SHISA9: variants seen among roughly 807,000 people sequenced by gnomAD.
SHISA9 encodes shisa family member 9.
A neutral mutation model predicts 38.0 loss-of-function variants in SHISA9; 13 were observed. That is an observed-to-expected ratio of 0.34 (90% CI 0.22 to 0.54). SHISA9 has a LOEUF of 0.54. SHISA9 is among the 20% of genes least tolerant of loss of function. The pLI is 0.91. For missense variants in SHISA9, 538 were observed against 575.8 expected (o/e 0.93, Z 0.67); for synonymous variants, 275 against 242.0 (o/e 1.14, Z -1.27).
the SHISA9 span, among the ~76,000 whole-genome samples, chr16:13,308,818 G>A: frequency 4.5e-3 from 687 of 152,248 alleles, 8 homozygotes; most frequent in African/African-American, 0.016. Context: ...TAATTAAATC[G>A]CCATAAGATA....
chr16:13,304,575 T>G, the SHISA9 span, among the ~76,000 whole-genome samples: 2 of 152,230 alleles, frequency 1.3e-5, no homozygotes, highest in South Asian at 4.1e-4. Flanking sequence ...GCCTTTTAGA[T>G]ATCTTGGCCT....
rs190406374 is a variant in SHISA9 at position 13,079,683 on chromosome 16, C to G, written c.692-123711C>G. ...GGCATTTGCATTCCCCTTGATTTGC[C>G]TAATTTTAATGAGACATTAGATCAA... On this transcript the variant is annotated intron_variant, in intron 2 of 4. Transcript: ENST00000558583. Among the ~76,000 whole-genome samples, 386 of 152,226 alleles carry G rather than the reference C, an allele frequency of 2.5e-3. 1 individual carries two copies. Among genetic ancestry groups the G allele is most frequent in the Non-Finnish European group, 4.4e-3 (297 of 68,016 alleles).
the SHISA9 span, among the ~76,000 whole-genome samples, chr16:13,431,159 G>C: frequency 6.6e-6 from 1 of 152,110 alleles, no homozygotes; most frequent in Non-Finnish European, 1.5e-5. Flanking sequence ...CCTAAATTCA[G>C]CTCCTTGAAT....
At chr16:13,140,437 A>G (rs1411628307) in intron 2 of SHISA9, among the ~76,000 whole-genome samples, 1 of 151,992 alleles carries the variant, frequency 6.6e-6, no homozygotes, top group Non-Finnish European at 1.5e-5. Context: ...TTGGCCTCCC[A>G]AATTGCTGGG....
At chr16:13,001,688 C>T (rs2072527713) in intron 2 of SHISA9, among the ~76,000 whole-genome samples, 2 of 152,034 alleles carry the variant, frequency 1.3e-5, no homozygotes, top group Admixed American at 1.3e-4. Context: ...AATAGTATTC[C>T]TAAGATTTGT....
rs72782695 is a variant in SHISA9, at chr16:13,001,961, T to C, written c.691+85146T>C. Among the ~76,000 whole-genome samples the C allele has an allele frequency of 5.1e-3, 783 of 152,332 alleles. 3 individuals are homozygous for C. The highest frequency in any genetic ancestry group is 8.6e-3 in the Non-Finnish European group (586 of 68,032). On this transcript the variant is annotated intron_variant, in intron 2 of 4. Coordinates refer to ENST00000558583, the MANE Select transcript of SHISA9 (RefSeq NM_001145204.3). ...GTATTGAGTGTTCACTGTAAAAATC[T>C]TTCCACTGTTATATATGCTTAAAAA... is the stretch of plus-strand genomic sequence containing the variant.
chr16:13,084,891 G>A (rs1438494650), intron 2 of SHISA9, among the ~76,000 whole-genome samples: 2 of 152,214 alleles, frequency 1.3e-5, no homozygotes, highest in East Asian at 3.8e-4. Context: ...TGATTTCCAA[G>A]GGGGGAAGGT....
chr16:13,013,665 G>A (rs923946177), intron 2 of SHISA9, among the ~76,000 whole-genome samples: 3 of 152,148 alleles, frequency 2.0e-5, no homozygotes, highest in Admixed American at 2.0e-4. Flanking sequence ...CCCTTCACTG[G>A]CCACTGCTTT....
intron 2 of SHISA9, among the ~76,000 whole-genome samples, chr16:13,155,242 T>C (rs1480697323): frequency 6.6e-6 from 1 of 152,112 alleles, no homozygotes; most frequent in Non-Finnish European, 1.5e-5. Context: ...TGCAATAGAT[T>C]GGAGTGGAAT....
the SHISA9 span, among the ~76,000 whole-genome samples, chr16:13,510,730 A>G: frequency 2.0e-5 from 3 of 152,238 alleles, no homozygotes; most frequent in Admixed American, 6.5e-5. Flanking sequence ...AGCCTATAGA[A>G]ATAATGATAA....
the SHISA9 span, among the ~76,000 whole-genome samples, chr16:13,380,301 A>G: frequency 1.3e-5 from 2 of 152,244 alleles, no homozygotes; most frequent in Admixed American, 6.5e-5. Flanking sequence ...AAGTGAAAAA[A>G]GCAGTCAAAT....
At chr16:13,125,711 T>A (rs754856676) in intron 2 of SHISA9, among the ~76,000 whole-genome samples, 6 of 152,312 alleles carry the variant, frequency 3.9e-5, no homozygotes, top group Non-Finnish European at 7.3e-5. Flanking sequence ...CCAAAATCTG[T>A]TTGTCTCCAA....
At chr16:13,518,807 C>T in the SHISA9 span, among the ~76,000 whole-genome samples, 2 of 152,122 alleles carry the variant, frequency 1.3e-5, no homozygotes. Context: ...TCTCACAGTT[C>T]GAGGTTAGGA....
chr16:13,514,033 C>G, the SHISA9 span, among the ~76,000 whole-genome samples: 12 of 152,214 alleles, frequency 7.9e-5, no homozygotes, highest in East Asian at 1.7e-3. Flanking sequence ...CATGCTCTGT[C>G]ACGCAGGCTG....
chr16:13,204,056 T>A (rs532853661), intron 3 of SHISA9, among the ~76,000 whole-genome samples: 1 of 152,242 alleles, frequency 6.6e-6, no homozygotes, highest in Admixed American at 6.5e-5. Context: ...CATCCATCCT[T>A]CTATCCATCT....
the SHISA9 span, among the ~76,000 whole-genome samples, chr16:13,280,206 T>C: frequency 1.0e-3 from 152 of 150,890 alleles, no homozygotes; most frequent in African/African-American, 3.6e-3. Context: ...TATGGCTTTG[T>C]TGATTTTCTC....
intron 2 of SHISA9, among the ~76,000 whole-genome samples, chr16:13,156,180 C>T (rs1007422510): frequency 1.3e-5 from 2 of 152,144 alleles, no homozygotes; most frequent in Non-Finnish European, 2.9e-5. Context: ...AGAAAATTGG[C>T]AGCCAGTCTG....
the SHISA9 span, among the ~76,000 whole-genome samples, chr16:13,313,956 C>G: frequency 6.6e-6 from 1 of 152,122 alleles, no homozygotes; most frequent in African/African-American, 2.4e-5. Context: ...TTTCTATACT[C>G]TCTGTGTTAG....
chr16:13,337,755 G>A, the SHISA9 span, among the ~76,000 whole-genome samples: 1 of 152,122 alleles, frequency 6.6e-6, no homozygotes, highest in South Asian at 2.1e-4. Flanking sequence ...GATCATGGGG[G>A]CAGACTTCCC....
Sources: allele counts gnomAD v4.1 joint callset (sites outside exome capture counted in the v4.1 genomes callset), GRCh38; gene constraint gnomAD v4.1.1; transcripts MANE v1.5; gene names NCBI Gene and HGNC (gene_info 2026-07-23, HGNC 2026-07-21).